The following DLGAP1 variants were observed in gnomAD, a reference collection of about 807,000 sequenced individuals.
DLGAP1 encodes the protein DLG associated protein 1.
DLGAP1 carries 11 observed loss-of-function variants against 90.8 expected under a neutral mutation model. The observed-to-expected ratio is 0.12, with a 90% CI of 0.08 to 0.20. The LOEUF is 0.20. Among genes scored for constraint, DLGAP1 ranks in the 10% least tolerant of loss-of-function variants. DLGAP1 has a pLI of 1.00. For missense variants in DLGAP1, 1,050 were observed against 1,333.8 expected (o/e 0.79, Z 3.31); for synonymous variants, 558 against 540.7 (o/e 1.03, Z -0.44).
At chr18:4,227,744 G>A (rs2078221786) in intron 1 of DLGAP1, among the ~76,000 whole-genome samples, 2 of 150,478 alleles carry the variant, frequency 1.3e-5, no homozygotes, top group African/African-American at 4.9e-5. Flanking sequence ...CACCAAAAAT[G>A]TAGAAAAACT....
At chr18:3,819,067 T>G (rs1268590009) in intron 4 of DLGAP1, among the ~76,000 whole-genome samples, 1 of 151,516 alleles carries the variant, frequency 6.6e-6, no homozygotes, top group Admixed American at 6.6e-5. Flanking sequence ...ATTCCAGCAC[T>G]TTGGGAGGCC....
intron 1 of DLGAP1, among the ~76,000 whole-genome samples, chr18:4,405,583 A>G: frequency 6.6e-6 from 1 of 152,126 alleles, no homozygotes; most frequent in Non-Finnish European, 1.5e-5. Context: ...ATGCATAATG[A>G]TAAAAATAGA....
chr18:4,076,967 C>T (rs1289293049), intron 2 of DLGAP1, among the ~76,000 whole-genome samples: 3 of 152,094 alleles, frequency 2.0e-5, no homozygotes, highest in Non-Finnish European at 4.4e-5. Context: ...ATGTTAAGTA[C>T]TTGTTGGCTC....
At chr18:4,198,603 C>T (rs7231290) in intron 1 of DLGAP1, among the ~76,000 whole-genome samples, 103,971 of 152,138 alleles carry the variant, frequency 0.68, 35,960 homozygotes, top group African/African-American at 0.81. Flanking sequence ...GAAAATGAAA[C>T]CCATATATTT....
At chr18:4,416,965 T>C (rs1231447509) in intron 1 of DLGAP1, among the ~76,000 whole-genome samples, 1 of 152,170 alleles carries the variant, frequency 6.6e-6, no homozygotes, top group African/African-American at 2.4e-5. Flanking sequence ...ATATATTCAG[T>C]AGTGTGAGGG....
At chr18:3,634,161 G>A (rs193070236) in intron 7 of DLGAP1, among the ~76,000 whole-genome samples, 20 of 152,090 alleles carry the variant, frequency 1.3e-4, no homozygotes, top group African/African-American at 3.1e-4. Context: ...TGGACAATGC[G>A]GCTGGATGAG....
chr18:4,257,241 T>C (rs1418418835), intron 1 of DLGAP1, among the ~76,000 whole-genome samples: 1 of 152,116 alleles, frequency 6.6e-6, no homozygotes, highest in Non-Finnish European at 1.5e-5. Context: ...TTGAGTGAAA[T>C]GTCCAAATGG....
chr18:3,849,831 T>TTGAA (rs1395169557), intron 4 of DLGAP1, among the ~76,000 whole-genome samples: 1 of 152,150 alleles, frequency 6.6e-6, no homozygotes, highest in Non-Finnish European at 1.5e-5. Context: ...ATAAATATTT[T>TTGAA]TGAATGAATG....
At chr18:4,147,670 G>T (rs2076608928) in intron 2 of DLGAP1, among the ~76,000 whole-genome samples, 1 of 151,928 alleles carries the variant, frequency 6.6e-6, no homozygotes, top group South Asian at 2.1e-4. Flanking sequence ...TCCAAAGTCT[G>T]TGACACAGTA....
At chr18:3,600,999 TATAGATATAG>T (rs1340325329) in intron 7 of DLGAP1, among the ~76,000 whole-genome samples, 2 of 131,924 alleles carry the variant, frequency 1.5e-5, no homozygotes, top group African/African-American at 6.2e-5. Flanking sequence ...TATATAGATA[TATAGATATAG>T]ATAGATATAT....
chr18:3,960,011 C>T (rs1037408928), intron 3 of DLGAP1, among the ~76,000 whole-genome samples: 13 of 152,152 alleles, frequency 8.5e-5, no homozygotes, highest in Non-Finnish European at 1.3e-4. Context: ...TGAGGTCTAG[C>T]GTCTCTCCCT....
chr18:3,836,858 G>A (rs2068417124), intron 4 of DLGAP1, among the ~76,000 whole-genome samples: 1 of 152,174 alleles, frequency 6.6e-6, no homozygotes, highest in South Asian at 2.1e-4. Context: ...CGAAGAGCAG[G>A]GATTTTGTGT....
At chr18:4,117,162 C>G (rs945801447) in intron 2 of DLGAP1, among the ~76,000 whole-genome samples, 1 of 152,136 alleles carries the variant, frequency 6.6e-6, no homozygotes, top group Non-Finnish European at 1.5e-5. Context: ...TGGCCATCTA[C>G]AAGTTAAGGA....
intron 4 of DLGAP1, among the ~76,000 whole-genome samples, chr18:3,875,962 T>C (rs186939537): frequency 1.2e-3 from 176 of 151,922 alleles, no homozygotes; most frequent in South Asian, 1.9e-3. Context: ...GTCTCTAATA[T>C]TGAAGTTAAA....
intron 5 of DLGAP1, among the ~76,000 whole-genome samples, chr18:3,773,135 G>T (rs541367584): frequency 1.1e-4 from 17 of 151,940 alleles, no homozygotes; most frequent in African/African-American, 4.1e-4. Flanking sequence ...ATGTGAAAGG[G>T]CACTATTGAT....
intron 8 of DLGAP1, among the ~76,000 whole-genome samples, chr18:3,577,335 C>T (rs2055217887): frequency 6.6e-6 from 1 of 152,190 alleles, no homozygotes; most frequent in Non-Finnish European, 1.5e-5. Context: ...ATTGCTCTCT[C>T]AGTCTTCCCA....
intron 2 of DLGAP1, among the ~76,000 whole-genome samples, chr18:4,021,609 C>CT (rs1257641730): frequency 2.6e-5 from 4 of 151,588 alleles, no homozygotes; most frequent in Non-Finnish European, 4.4e-5. Context: ...TTCTTTTTTT[C>CT]TTTTTTTAGA....
At chr18:3,741,106 C>CCATCACCACCACCATCACCACCACCACCA (rs1568048445) in intron 6 of DLGAP1, among the ~76,000 whole-genome samples, 12 of 123,988 alleles carry the variant, frequency 9.7e-5, no homozygotes, top group African/African-American at 3.9e-4. Flanking sequence ...ACCACCATCA[C>CCATCACCACCACCATCACCACCACCACCA]CATCACCACC....
chr18:4,455,232 C>G lies in DLGAP1; in HGVS notation c.-493G>C, dbSNP rs923366616. 6.6e-6 allele frequency: 1 copy of G among 151,722 alleles called. No homozygotes were observed. Among genetic ancestry groups the G allele is most frequent in the East Asian group, 1.9e-4 (1 of 5,156 alleles). The allele number at this position is 151,722 out of a possible 1,614,324, so 9.4% of individuals were successfully genotyped here. A position where few individuals can be genotyped will look rare whatever the true frequency, so the allele number is the denominator to read the frequency against. On this transcript the variant is annotated 5_prime_UTR_variant, in exon 1 of 13. Coordinates refer to ENST00000315677, the MANE Select transcript of DLGAP1 (RefSeq NM_004746.4). ...AGGCCGTGTCCTGGAGATTGCGGCG[C>G]CCGAAGCGCAGCGCTCGCCTCTGGA...
Sources: gnomAD v4.1 joint callset for allele counts (sites outside exome capture counted in the v4.1 genomes callset) on GRCh38, gnomAD v4.1.1 for gene constraint, MANE v1.5 for transcripts, NCBI Gene and HGNC (gene_info 2026-07-23, HGNC 2026-07-21) for gene names.